The following LCLAT1 variants were observed in gnomAD, a reference collection of about 807,000 sequenced individuals.
LCLAT1 encodes lysocardiolipin acyltransferase 1.
A neutral mutation model predicts 30.7 loss-of-function variants in LCLAT1; 11 were observed. The observed-to-expected ratio is 0.36, with a 90% CI of 0.23 to 0.59. The LOEUF (loss-of-function observed/expected upper bound fraction) is 0.59, where lower values mean the gene tolerates loss of function less well. Ranked by LOEUF, LCLAT1 falls within the 20% of genes least tolerant of loss-of-function variation. LCLAT1 has a pLI of 0.77. For synonymous variants in LCLAT1, 155 were observed against 151.3 expected, an observed-to-expected ratio of 1.02 and a Z score of -0.18; for missense variants, 402 against 458.6, an observed-to-expected ratio of 0.88 and a Z score of 1.13.
chr2:30,535,680 A>C (rs976727823), intron 3 of LCLAT1, among the ~76,000 whole-genome samples: 1 of 152,242 alleles, frequency 6.6e-6, no homozygotes, highest in Non-Finnish European at 1.5e-5. Context: ...TATGAAAGCT[A>C]TATCATAAAA....
intron 5 of LCLAT1, among the ~76,000 whole-genome samples, chr2:30,626,099 G>C (rs2148521936): frequency 6.6e-6 from 1 of 152,264 alleles, no homozygotes; most frequent in African/African-American, 2.4e-5. Context: ...AATAGTAATA[G>C]CCACGTGCTT....
At position 30,585,548 on chromosome 2, in the gene LCLAT1, A is replaced by G. The variant is rs80182573; in HGVS notation, c.628+17372A>G. On this transcript the variant is annotated intron_variant, in intron 5 of 5. Coordinates refer to ENST00000379509, the MANE Select transcript of LCLAT1 (RefSeq NM_001002257.3). ...TCATAGTTTGGATCTTGTCTTCAGG[A>G]ATTGCTCCACCTGTTAAACGTTAAA... is the stretch of plus-strand genomic sequence containing the variant. 4.6e-3 allele frequency among the ~76,000 whole-genome samples: 694 copies of G among 152,212 alleles called. 7 individuals carry two copies. The highest frequency in any genetic ancestry group is 0.015 in the African/African-American group (643 of 41,536).
intron 1 of LCLAT1, among the ~76,000 whole-genome samples, chr2:30,502,224 T>C (rs1684436196): frequency 6.6e-6 from 1 of 152,164 alleles, no homozygotes; most frequent in Admixed American, 6.5e-5. Flanking sequence ...GCTTTGCTTG[T>C]GTTTGTTCTT....
intron 1 of LCLAT1, among the ~76,000 whole-genome samples, chr2:30,497,092 C>G (rs1558476745): frequency 6.6e-6 from 1 of 152,148 alleles, no homozygotes; most frequent in Non-Finnish European, 1.5e-5. Context: ...GTATTCTTTG[C>G]AAAATATAGT....
In LCLAT1 at chr2:30,635,687, G is replaced by GA. The variant is rs926079881; in HGVS notation, c.629-4421dup. The stretch of plus-strand genomic sequence containing the variant: ...GACTTCATAGAACCCAAGTTGGAAA[G>GA]AAAAAAAAATACCATGGAACAAGTC... On this transcript the variant is annotated intron_variant, in intron 5 of 5. Coordinates refer to ENST00000379509, the MANE Select transcript of LCLAT1 (RefSeq NM_001002257.3). 7.3e-5 allele frequency among the ~76,000 whole-genome samples: 11 copies of GA among 150,318 alleles called. No individual in the cohort carries two copies. In the South Asian group the frequency reaches 8.4e-4, roughly 11 times the overall value.
intron 5 of LCLAT1, among the ~76,000 whole-genome samples, chr2:30,622,500 CA>C (rs977833749): frequency 3.7e-4 from 57 of 152,272 alleles, no homozygotes; most frequent in African/African-American, 1.3e-3. Flanking sequence ...TCAGCCAACA[CA>C]AAAAACAGCA....
At chr2:30,467,047 G>A (rs1023134552) in intron 1 of LCLAT1, among the ~76,000 whole-genome samples, 5 of 151,990 alleles carry the variant, frequency 3.3e-5, no homozygotes, top group African/African-American at 9.7e-5. Context: ...TCGTTAACTC[G>A]TCATTTACAT....
intron 5 of LCLAT1, among the ~76,000 whole-genome samples, chr2:30,627,299 C>T (rs1033879449): frequency 2.0e-5 from 3 of 152,096 alleles, no homozygotes; most frequent in African/African-American, 7.2e-5. Flanking sequence ...TCTGATGTCA[C>T]CTAAGTCTCA....
chr2:30,607,596 CTA>C (rs1667516189), intron 5 of LCLAT1: 1 of 152,104 alleles, frequency 6.6e-6, no homozygotes, highest in Non-Finnish European at 1.5e-5. Flanking sequence ...ATGATAATGA[CTA>C]TGTTACTGAT....
intron 5 of LCLAT1, among the ~76,000 whole-genome samples, chr2:30,614,640 T>C (rs1209024485): frequency 6.6e-6 from 1 of 152,208 alleles, no homozygotes; most frequent in African/African-American, 2.4e-5. Flanking sequence ...TTTGAGCTAC[T>C]TATTAGATAT....
chr2:30,595,140 T>A (rs10204301), intron 5 of LCLAT1, among the ~76,000 whole-genome samples: 19,179 of 152,144 alleles, frequency 0.13, 1,337 homozygotes, highest in South Asian at 0.23. Flanking sequence ...GTTGTCTGGT[T>A]CATACCCATT....
chr2:30,627,034 G>T (rs547249551), intron 5 of LCLAT1, among the ~76,000 whole-genome samples: 66 of 152,182 alleles, frequency 4.3e-4, no homozygotes, highest in African/African-American at 1.4e-3. Flanking sequence ...AATGCTCATG[G>T]TTACTGATAC....
At position 30,562,223 on chromosome 2, in the gene LCLAT1, A is replaced by G. The variant is rs367665468; in HGVS notation, c.442A>G (p.Ile148Val). ...KDDKSHFEDM[I>V]DYFCDIHEPL... is the part of the protein sequence containing the mutation. ...TGACAAGAGCCATTTCGAAGACATGATTGATTACTTTTGTGATATTCACGA... is the reference window on the plus strand; with the variant it reads ...TGACAAGAGCCATTTCGAAGACATGGTTGATTACTTTTGTGATATTCACGA... The change falls in exon 4 of 6, where the codon ATT becomes GTT. Residue 148 changes from isoleucine to valine, a missense_variant. By Grantham distance (29) the Ile-to-Val change is conservative (BLOSUM62 3). Coordinates refer to ENST00000379509, the MANE Select transcript of LCLAT1 (RefSeq NM_001002257.3). 4 of 1,613,162 alleles carry G rather than the reference A, an allele frequency of 2.5e-6. No homozygotes were observed. In the African/African-American group the frequency reaches 5.3e-5, roughly 22 times the overall value.
intron 5 of LCLAT1, among the ~76,000 whole-genome samples, chr2:30,577,115 TGTA>T (rs1391517896): frequency 7.0e-6 from 1 of 142,820 alleles, no homozygotes; most frequent in Non-Finnish European, 1.5e-5. Context: ...TAATATATCA[TGTA>T]ATAATATTAT....
intron 1 of LCLAT1, among the ~76,000 whole-genome samples, chr2:30,524,760 A>G (rs902963042): frequency 2.8e-5 from 4 of 144,560 alleles, no homozygotes; most frequent in Non-Finnish European, 6.2e-5. Context: ...TTAATACTTT[A>G]TTAATAATAG....
intron 1 of LCLAT1, among the ~76,000 whole-genome samples, chr2:30,515,799 C>A (rs997988018): frequency 9.2e-5 from 14 of 152,066 alleles, no homozygotes; most frequent in African/African-American, 2.9e-4. Flanking sequence ...TCAATCATGG[C>A]GTTTTTTATT....
chr2:30,544,907 A>G (rs1485102499), intron 3 of LCLAT1, among the ~76,000 whole-genome samples: 1 of 152,084 alleles, frequency 6.6e-6, no homozygotes, highest in Non-Finnish European at 1.5e-5. Context: ...CAAGAGGAAA[A>G]TTCATCTTGA....
chr2:30,451,938 G>C (rs1379264925), intron 1 of LCLAT1, among the ~76,000 whole-genome samples: 3 of 152,238 alleles, frequency 2.0e-5, no homozygotes, highest in Non-Finnish European at 4.4e-5. Flanking sequence ...ATGGATATAT[G>C]TATCAACATG....
intron 5 of LCLAT1, chr2:30,606,047 A>G: frequency 1.5e-6 from 2 of 1,298,354 alleles, no homozygotes; most frequent in Non-Finnish European, 2.0e-6. Flanking sequence ...GTAAAGGACC[A>G]CTTCAAGGAG....
Sources: gnomAD v4.1 joint callset for allele counts (sites outside exome capture counted in the v4.1 genomes callset) on GRCh38, gnomAD v4.1.1 for gene constraint, MANE v1.5 for transcripts, NCBI Gene and HGNC (gene_info 2026-07-23, HGNC 2026-07-21) for gene names.